KCNH2: variants seen among roughly 807,000 people sequenced by gnomAD.
KCNH2 encodes voltage-gated inwardly rectifying potassium channel KCNH2.
Under a neutral mutation model 95.9 loss-of-function variants are expected in KCNH2, and 35 were observed. The ratio of observed to expected loss-of-function variants is 0.37; its 90% CI spans 0.28 to 0.48. The LOEUF (loss-of-function observed/expected upper bound fraction) is 0.48, where lower values mean the gene tolerates loss of function less well. Among genes scored for constraint, KCNH2 ranks in the 20% least tolerant of loss-of-function variants. The pLI, the probability that KCNH2 is intolerant of heterozygous loss-of-function variation, is 0.99. For missense variants in KCNH2, 1,274 were observed against 1,702.9 expected (o/e 0.75, Z 4.43); for synonymous variants, 786 against 754.7 (o/e 1.04, Z -0.68).
chr7:150,955,160 G>T (rs1380389831), intron 5 of KCNH2, among the ~76,000 whole-genome samples: 1 of 152,240 alleles, frequency 6.6e-6, no homozygotes, highest in African/African-American at 2.4e-5. Context: ...CCAGGACTGT[G>T]GGCCATGGCA....
intron 8 of KCNH2, 89 bp downstream of exon 8, chr7:150,950,832 T>G: frequency 1.4e-4 from 186 of 1,375,142 alleles, no homozygotes; most frequent in Middle Eastern, 2.4e-4. Flanking sequence ...TGTGACCGCC[T>G]GAGACTTGTT....
In KCNH2 at chr7:150,974,748, C is replaced by T. The variant is rs2117062411; in HGVS notation, c.270G>A (p.Glu90=). The stretch of plus-strand genomic sequence containing the variant: ...AGAAGGCGATTTCCACTTTGCGCTC[C>T]TCGGCGCCCAGCAGTGCCTGCGCGA... ...AQIAQALLGA[E]ERKVEIAFYR... The change falls in exon 2 of 15, where the codon GAG becomes GAA. Residue 90 remains glutamate, a synonymous_variant. Transcript: ENST00000262186. The T allele has an allele frequency of 6.2e-7, 1 of 1,605,978 alleles. No individual in the cohort carries two copies. Among genetic ancestry groups the T allele is most frequent in the African/African-American group, 1.3e-5 (1 of 74,872 alleles).
intron 2 of KCNH2, among the ~76,000 whole-genome samples, chr7:150,960,356 C>T (rs1801523181): frequency 6.6e-6 from 1 of 152,154 alleles, no homozygotes. Flanking sequence ...TGTTGTGATA[C>T]ACATAATGTA....
At chr7:150,965,090 T>C (rs1801667910) in intron 2 of KCNH2, among the ~76,000 whole-genome samples, 1 of 151,618 alleles carries the variant, frequency 6.6e-6, no homozygotes, top group Non-Finnish European at 1.5e-5. Flanking sequence ...GTGTGCTGAA[T>C]GAGAGAGAGA....
chr7:150,960,379 C>T (rs1801524039), intron 2 of KCNH2, among the ~76,000 whole-genome samples: 1 of 152,112 alleles, frequency 6.6e-6, no homozygotes, highest in Admixed American at 6.5e-5. Flanking sequence ...TAATTCTTTT[C>T]TCATGAGTTA....
chr7:150,977,317 A>G (rs1265133727), intron 1 of KCNH2, among the ~76,000 whole-genome samples: 1 of 152,150 alleles, frequency 6.6e-6, no homozygotes, highest in African/African-American at 2.4e-5. Flanking sequence ...CACGGGTGAC[A>G]CATGGGCTCA....
rs187132408 is a variant in KCNH2, at chr7:150,961,547, G to T, written c.308-1811C>A. 7.4e-4 allele frequency among the ~76,000 whole-genome samples: 113 copies of T among 152,192 alleles called. 1 individual carries two copies. The highest frequency in any genetic ancestry group is 2.6e-3 in the African/African-American group (106 of 41,538). On this transcript the variant is annotated intron_variant, in intron 2 of 14. Transcript: ENST00000262186. This position sits in a 1 kb window ranked among gnomAD's most constrained non-coding sequence, Gnocchi z 6.2. The stretch of plus-strand genomic sequence containing the variant: ...ACTCCTGGCCTCAAGTGATCTGCCT[G>T]CCTCGGCCTCCCAAAGTGCAAGGAT...
Position 150,946,916 on chromosome 7 carries a change from G to A in KCNH2, c.3291C>T (p.Val1097=). The change falls in exon 14 of 15, where the codon GTC becomes GTT. Residue 1097 remains valine, a synonymous_variant. Transcript: ENST00000262186. This position sits in a 1 kb window ranked among gnomAD's most constrained non-coding sequence, Gnocchi z 6.5. The part of the protein sequence containing the change: ...GPTSTSPLLP[V]SPLPTLTLDS... Reference sequence around the variant, plus strand: ...CCAAGGTGAGGGTGGGGAGGGGGCTGACGGGCAACAGCGGGGATGTGGAAG... The same window carrying A: ...CCAAGGTGAGGGTGGGGAGGGGGCTAACGGGCAACAGCGGGGATGTGGAAG... 1 of 1,598,288 alleles carries A rather than the reference G, an allele frequency of 6.3e-7. No homozygotes were observed. Among genetic ancestry groups the A allele is most frequent in the Non-Finnish European group, 8.5e-7 (1 of 1,169,694 alleles).
intron 3 of KCNH2, among the ~76,000 whole-genome samples, chr7:150,958,891 C>G (rs1801476275): frequency 1.3e-5 from 2 of 152,216 alleles, no homozygotes; most frequent in Admixed American, 1.3e-4. Context: ...GCCCTGCCGT[C>G]AGGGGTGGCA....
At chr7:150,963,024 C>T (rs1052382355) in intron 2 of KCNH2, among the ~76,000 whole-genome samples, 2 of 152,216 alleles carry the variant, frequency 1.3e-5, no homozygotes, top group Admixed American at 6.5e-5. Flanking sequence ...CTACTCCAGA[C>T]CCCCAGGCCC....
intron 5 of KCNH2, chr7:150,955,341 A>C (rs1584860588): frequency 6.6e-7 from 1 of 1,510,750 alleles, no homozygotes; most frequent in Non-Finnish European, 9.0e-7. Flanking sequence ...TGGGCCAGCC[A>C]CCTGCCTCAG....
Position 150,947,499 on chromosome 7 carries a change from A to C in KCNH2, c.2981T>G (p.Val994Gly). The C allele has an allele frequency of 6.3e-7, 1 of 1,588,806 alleles. No homozygotes were observed. Among genetic ancestry groups the C allele is most frequent in the Non-Finnish European group, 8.6e-7 (1 of 1,168,680 alleles). ...CCCCCAGAAGCTGAAAATGTTGGAC[A>C]CTCCTGAGAAGGCGCCTGCAGCCAG... is the stretch of plus-strand genomic sequence containing the variant. ...CNPLSGAFSG[V>G]SNIFSFWGDS... is the part of the protein sequence containing the mutation. Residue 994 changes from valine to glycine, a missense_variant, in exon 13 of 15, where the codon GTG (valine) becomes GGG (glycine). By Grantham distance (109) the Val-to-Gly change is moderately radical (BLOSUM62 -3). Transcript: ENST00000262186.
At position 150,946,770 on chromosome 7, in the gene KCNH2, G is replaced by T; in HGVS notation, c.3330+107C>A. 2.8e-6 allele frequency: 3 copies of T among 1,073,980 alleles called. No homozygotes were observed. The highest frequency in any genetic ancestry group is 4.1e-6 in the Non-Finnish European group (3 of 735,016). 66.5% of individuals were successfully genotyped at this position (1,073,980 alleles called of 1,614,324 possible). A position where few individuals can be genotyped will look rare whatever the true frequency, so the allele number is the denominator to read the frequency against. ...GGGAGGAGGGCAGGAACAAGGTTCA[G>T]GGAGGCTGGGCCACAGAGCCCAGCA... On this transcript the variant is annotated intron_variant, in intron 14 of 14. Coordinates refer to ENST00000262186, the MANE Select transcript of KCNH2 (RefSeq NM_000238.4). The surrounding 1 kb of genome is among the most constrained non-coding windows in gnomAD (Gnocchi z 6.5).
rs748478702 is a variant in KCNH2 at position 150,977,854 on chromosome 7, G to T, written c.60C>A (p.Arg20=). Residue 20 remains arginine, a synonymous_variant, in exon 1 of 15, where the codon CGC becomes CGA. Coordinates refer to ENST00000262186, the MANE Select transcript of KCNH2 (RefSeq NM_000238.4). ...PQNTFLDTII[R]KFEGQSRKFI... is the part of the protein sequence containing the mutation. ...CCCACTCACTCTGGCCCTCAAACTT[G>T]CGGATGATGGTGTCCAGGAAGGTGT... is the stretch of plus-strand genomic sequence containing the variant. 2 of 1,557,210 alleles carry T rather than the reference G, an allele frequency of 1.3e-6. No individual in the cohort carries two copies. The highest frequency in any genetic ancestry group is 1.7e-6 in the Non-Finnish European group (2 of 1,151,470).
chr7:150,957,496 A>G lies in KCNH2; in HGVS notation c.923T>C (p.Met308Thr), dbSNP rs372559632. 20 of 1,612,184 alleles carry G rather than the reference A, an allele frequency of 1.2e-5. No homozygotes were observed. Among genetic ancestry groups the G allele is most frequent in the Non-Finnish European group, 8.5e-7 (1 of 1,179,674 alleles). ...GAGCAAGCCGCTGCGCAGTGGGTGC[A>G]TGGCCCCTAGGTGGAGAGGCAGCGT... Reference protein sequence around the residue: ...PPPRHASTGAMHPLRSGLLNS... With the variant: ...PPPRHASTGATHPLRSGLLNS... Residue 308 changes from methionine (M) to threonine (T), a missense_variant, in exon 5 of 15, where the codon ATG (methionine) becomes ACG (threonine). Physicochemically the swap from Met to Thr is moderately conservative, Grantham distance 81. Transcript: ENST00000262186.
At position 150,952,323 on chromosome 7, in the gene KCNH2, T is replaced by TCTCTCA; in HGVS notation, c.1557+101_1557+102insTGAGAG. 8.3e-7 allele frequency: 1 copy of TCTCTCA among 1,204,976 alleles called. No homozygotes were observed. The highest frequency in any genetic ancestry group is 1.2e-6 in the Non-Finnish European group (1 of 840,456). 74.6% of individuals were successfully genotyped at this position (1,204,976 alleles called of 1,614,324 possible). ...GTCTTTCTCTCTTTCTCTCTCTCTC[T>TCTCTCA]CTTTTTCTCTGTCCTCCTCGCCACC... On this transcript the variant is annotated intron_variant, in intron 6 of 14. Coordinates refer to ENST00000262186, the MANE Select transcript of KCNH2 (RefSeq NM_000238.4). The surrounding 1 kb of genome is among the most constrained non-coding windows in gnomAD (Gnocchi z 7.3).
chr7:150,960,191 C>G (rs1010779359), intron 2 of KCNH2, among the ~76,000 whole-genome samples: 8 of 152,222 alleles, frequency 5.3e-5, no homozygotes. Context: ...GGATCTGCTG[C>G]TTAATCACTT....
Position 150,945,101 on chromosome 7 carries a change from G to A in KCNH2, c.*264C>T. 2.0e-6 allele frequency: 1 copy of A among 492,890 alleles called. No homozygotes were observed. Among genetic ancestry groups the A allele is most frequent in the East Asian group, 3.1e-5 (1 of 32,680 alleles). 30.5% of individuals were successfully genotyped at this position (492,890 alleles called of 1,614,324 possible). On this transcript the variant is annotated 3_prime_UTR_variant, in exon 15 of 15. Coordinates refer to ENST00000262186, the MANE Select transcript of KCNH2 (RefSeq NM_000238.4). The surrounding 1 kb of genome is among the most constrained non-coding windows in gnomAD (Gnocchi z 5.6). Reference sequence around the variant, plus strand: ...AGGTGCCTAAGGCCCAGGGCCGGGTGCCTCCGGGCAGTTAGACCAGCTAAT... The same window carrying A: ...AGGTGCCTAAGGCCCAGGGCCGGGTACCTCCGGGCAGTTAGACCAGCTAAT...
chr7:150,975,023 A>C (rs1801945871), intron 1 of KCNH2, 82 bp from the exon 2 acceptor site: 4 of 1,246,950 alleles, frequency 3.2e-6, no homozygotes, highest in Non-Finnish European at 4.4e-6. Context: ...TTCTCCACTC[A>C]CACAGCCGCC....
Sources: gnomAD v4.1 joint callset for allele counts (sites outside exome capture counted in the v4.1 genomes callset) on GRCh38, gnomAD v4.1.1 for gene constraint, Gnocchi (gnomAD v3.1) non-coding constraint, MANE v1.5 for transcripts, NCBI Gene and HGNC (gene_info 2026-07-23, HGNC 2026-07-21) for gene names.